GALNT10: variants seen among roughly 807,000 people sequenced by gnomAD.
GALNT10 encodes the protein GalNAc transferase 10.
Under a neutral mutation model 75.0 loss-of-function variants are expected in GALNT10, and 41 were observed. That is an observed-to-expected ratio of 0.55 (90% confidence interval 0.43 to 0.71). GALNT10 has a LOEUF of 0.71. Ranked by LOEUF, GALNT10 falls within the 30% of genes least tolerant of loss-of-function variation. GALNT10 has a pLI of 0.00. For synonymous variants in GALNT10, 302 were observed against 313.0 expected (o/e 0.96, Z 0.37); for missense variants, 727 against 818.5 (o/e 0.89, Z 1.36).
chr5:154,381,204 T>A (rs1421444731), intron 6 of GALNT10, among the ~76,000 whole-genome samples: 1 of 152,162 alleles, frequency 6.6e-6, no homozygotes, highest in Non-Finnish European at 1.5e-5. Flanking sequence ...AGCAGAAGTT[T>A]GCAGGCTAGG....
chr5:154,310,041 G>A (rs776344487), intron 3 of GALNT10, among the ~76,000 whole-genome samples: 3 of 152,194 alleles, frequency 2.0e-5, no homozygotes, highest in Non-Finnish European at 4.4e-5. Context: ...TTCAGGTTAT[G>A]GCGAGAGCGG....
At chr5:154,398,636 A>C (rs959156226) in intron 7 of GALNT10, among the ~76,000 whole-genome samples, 1 of 152,170 alleles carries the variant, frequency 6.6e-6, no homozygotes, top group Non-Finnish European at 1.5e-5. Flanking sequence ...TGAACTAATC[A>C]AGACATGAAG....
rs547626415 is a variant in GALNT10 at position 154,420,327 on chromosome 5, A to G, written c.*3355A>G. The stretch of plus-strand genomic sequence containing the variant: ...AGTTGAATTTCTTTTTTTCCTTAAG[A>G]AACAGGTGATGTCTTGGAAAACAGC... On this transcript the variant is annotated 3_prime_UTR_variant, in exon 12 of 12. Coordinates refer to ENST00000297107, the MANE Select transcript of GALNT10 (RefSeq NM_198321.4). The G allele has an allele frequency of 6.6e-6, 1 of 152,316 alleles. No individual in the cohort carries two copies. Among genetic ancestry groups the G allele is most frequent in the East Asian group, 1.9e-4 (1 of 5,190 alleles). 9.4% of individuals were successfully genotyped at this position (152,316 alleles called of 1,614,324 possible). A position where few individuals can be genotyped will look rare whatever the true frequency, so the allele number is the denominator to read the frequency against.
intron 4 of GALNT10, among the ~76,000 whole-genome samples, chr5:154,341,978 G>A (rs1755038151): frequency 6.6e-6 from 1 of 152,214 alleles, no homozygotes; most frequent in South Asian, 2.1e-4. Context: ...TTTCTGTCAG[G>A]ACTAACCCCA....
At chr5:154,397,125 TCAA>T (rs1300395850) in intron 7 of GALNT10, among the ~76,000 whole-genome samples, 257 of 105,008 alleles carry the variant, frequency 2.4e-3, no homozygotes, top group Non-Finnish European at 2.0e-3. Flanking sequence ...AGACTCCGTC[TCAA>T]AAAAAAAAAA....
rs1175801075 is a variant in GALNT10, at chr5:154,376,025, C to T, written c.569-252C>T. ...GGCATAAACCACAAATGTTCACACC[C>T]TTGGACAGAAGATCTCTCTCTGTTC... On this transcript the variant is annotated intron_variant, in intron 4 of 11. Coordinates refer to ENST00000297107, the MANE Select transcript of GALNT10 (RefSeq NM_198321.4). This position sits in a 1 kb window ranked among gnomAD's most constrained non-coding sequence, Gnocchi z 4.1. Among the ~76,000 whole-genome samples, 1 of 152,238 alleles carries T rather than the reference C, an allele frequency of 6.6e-6. No homozygotes were observed. Among genetic ancestry groups the T allele is most frequent in the Non-Finnish European group, 1.5e-5 (1 of 68,046 alleles).
intron 3 of GALNT10, among the ~76,000 whole-genome samples, chr5:154,317,352 A>T (rs1407656461): frequency 6.6e-6 from 1 of 152,046 alleles, no homozygotes; most frequent in Non-Finnish European, 1.5e-5. Context: ...TTGTATTTTG[A>T]CTTTTGTTTT....
chr5:154,290,115 G>A (rs1289185488), intron 1 of GALNT10, among the ~76,000 whole-genome samples: 8 of 146,934 alleles, frequency 5.4e-5, no homozygotes, highest in Non-Finnish European at 8.9e-5. Flanking sequence ...TTTTTGAGAC[G>A]GAGTCTCACT....
At chr5:154,313,753 G>A (rs888780933) in intron 3 of GALNT10, among the ~76,000 whole-genome samples, 9 of 152,164 alleles carry the variant, frequency 5.9e-5, no homozygotes, top group African/African-American at 2.2e-4. Flanking sequence ...AGAAGGGCTG[G>A]AGAGCTGAGC....
rs1170828936 is a variant in GALNT10, at chr5:154,190,835, C to CCGGCGGGGCG, written c.-22_-13dup. 44 of 1,132,108 alleles carry CCGGCGGGGCG rather than the reference C, an allele frequency of 3.9e-5. No homozygotes were observed. In the East Asian group the frequency reaches 6.3e-4, roughly 16 times the overall value. The allele number at this position is 1,132,108 out of a possible 1,614,324, so 70.1% of individuals were successfully genotyped here. On this transcript the variant is annotated 5_prime_UTR_variant, in exon 1 of 12. Transcript: ENST00000297107. ...CGGAGCTGGGGGCGGCGCGGCGGGG[C>CCGGCGGGGCG]CGGCGGGGCGCGGCGGGGCTGACCG...
chr5:154,253,901 T>C (rs571864583), intron 1 of GALNT10, among the ~76,000 whole-genome samples: 1 of 152,232 alleles, frequency 6.6e-6, no homozygotes, highest in East Asian at 1.9e-4. Flanking sequence ...TGATCCGCCC[T>C]AGAAGATCAG....
intron 1 of GALNT10, among the ~76,000 whole-genome samples, chr5:154,281,892 C>G (rs752021610): frequency 2.6e-5 from 4 of 152,132 alleles, no homozygotes; most frequent in Non-Finnish European, 5.9e-5. Flanking sequence ...CCTTTGCATT[C>G]TAGGCAGCAA....
At chr5:154,323,948 C>G (rs1240806830) in intron 3 of GALNT10, among the ~76,000 whole-genome samples, 1 of 152,214 alleles carries the variant, frequency 6.6e-6, no homozygotes, top group African/African-American at 2.4e-5. Flanking sequence ...TCAGCACCTT[C>G]TGTGAAATGA....
chr5:154,369,897 G>T (rs1005404464), intron 4 of GALNT10, among the ~76,000 whole-genome samples: 1 of 152,154 alleles, frequency 6.6e-6, no homozygotes, highest in Non-Finnish European at 1.5e-5. Context: ...TGCTCCATGG[G>T]GTGCTCTCCC....
intron 3 of GALNT10, among the ~76,000 whole-genome samples, chr5:154,312,761 G>T (rs189304687): frequency 1.3e-5 from 2 of 152,234 alleles, no homozygotes; most frequent in East Asian, 3.9e-4. Context: ...CAAGAAACTT[G>T]ATATTAAAGT....
intron 1 of GALNT10, among the ~76,000 whole-genome samples, chr5:154,249,479 G>C (rs561141252): frequency 6.6e-6 from 1 of 152,210 alleles, no homozygotes; most frequent in Admixed American, 6.5e-5. Context: ...TGACAACAGA[G>C]TAGAATTCAT....
At chr5:154,372,621 C>T (rs1160552574) in intron 4 of GALNT10, among the ~76,000 whole-genome samples, 3 of 152,186 alleles carry the variant, frequency 2.0e-5, no homozygotes, top group Non-Finnish European at 4.4e-5. Context: ...GCACTGCGGG[C>T]GGCTATGCAT....
chr5:154,217,630 G>A (rs1401766554), intron 1 of GALNT10, among the ~76,000 whole-genome samples: 1 of 152,204 alleles, frequency 6.6e-6, no homozygotes, highest in East Asian at 1.9e-4. Flanking sequence ...CATGCACAGA[G>A]CCAGATGCAT....
intron 3 of GALNT10, among the ~76,000 whole-genome samples, chr5:154,311,420 CAT>C (rs1754515987): frequency 6.6e-6 from 1 of 152,148 alleles, no homozygotes; most frequent in East Asian, 1.9e-4. Flanking sequence ...AAATGGGGAA[CAT>C]CACTAGCTCC....
Sources: allele counts gnomAD v4.1 joint callset (sites outside exome capture counted in the v4.1 genomes callset), GRCh38; gene constraint gnomAD v4.1.1; non-coding constraint Gnocchi (gnomAD v3.1); transcripts MANE v1.5; gene names NCBI Gene and HGNC (gene_info 2026-07-23, HGNC 2026-07-21).